Variants in TMEM68 observed in about 807,000 individuals in gnomAD.
The protein encoded by TMEM68 is transmembrane protein 68, also known as DGAT1/2-independent enzyme synthesizing storage lipids.
Under a neutral mutation model 36.9 loss-of-function variants are expected in TMEM68, and 25 were observed. The observed-to-expected ratio is 0.68, with a 90% CI of 0.49 to 0.95. The LOEUF (loss-of-function observed/expected upper bound fraction) is 0.95. TMEM68 is among the 40% of genes least tolerant of loss of function. TMEM68 has a pLI of 0.00. For synonymous variants in TMEM68, 131 were observed against 124.4 expected, an observed-to-expected ratio of 1.05 and a Z score of -0.35; for missense variants, 333 against 392.0, an observed-to-expected ratio of 0.85 and a Z score of 1.27.
At chr8:55,766,373 C>CTTTTTTT (rs768070569) in intron 1 of TMEM68, among the ~76,000 whole-genome samples, 2 of 113,066 alleles carry the variant, frequency 1.8e-5, no homozygotes, top group Non-Finnish European at 3.6e-5. Flanking sequence ...TCTATGCACG[C>CTTTTTTT]TTTTTTTTTT....
intron 4 of TMEM68, among the ~76,000 whole-genome samples, chr8:55,755,392 G>A (rs1810572743): frequency 6.6e-6 from 1 of 151,034 alleles, no homozygotes; most frequent in Non-Finnish European, 1.5e-5. Flanking sequence ...TCAGCTTCCC[G>A]AGTAGCTGAG....
chr8:55,764,906 C>G (rs1269754120), intron 1 of TMEM68, among the ~76,000 whole-genome samples: 3 of 152,102 alleles, frequency 2.0e-5, no homozygotes, highest in African/African-American at 7.2e-5. Context: ...AACTCCATCT[C>G]TACTAAAAAT....
Position 55,768,144 on chromosome 8 carries a change from A to T in TMEM68, c.-114-4164T>A, listed in dbSNP as rs566454851. On this transcript the variant is annotated intron_variant, in intron 1 of 7. Transcript: ENST00000434581. ...CTTCCTTCCTGTAGGAGACAGCTTTAAAAAAAAAAAAAAAATGATAATTGA... is the reference window on the plus strand; with the variant it reads ...CTTCCTTCCTGTAGGAGACAGCTTTTAAAAAAAAAAAAAAATGATAATTGA... 7.7e-3 allele frequency among the ~76,000 whole-genome samples: 813 copies of T among 105,174 alleles called. 5 individuals are homozygous for T. Among genetic ancestry groups the T allele is most frequent in the African/African-American group, 0.026 (746 of 28,672 alleles). 69.0% of individuals were successfully genotyped at this position (105,174 alleles called of 152,430 possible).
chr8:55,748,320 A>G (rs1810340364), intron 5 of TMEM68, among the ~76,000 whole-genome samples: 1 of 152,074 alleles, frequency 6.6e-6, no homozygotes. Flanking sequence ...GGCATGTGCC[A>G]CCACACCCGA....
At chr8:55,741,851 A>T (rs1810111697) in intron 7 of TMEM68, among the ~76,000 whole-genome samples, 1 of 152,192 alleles carries the variant, frequency 6.6e-6, no homozygotes, top group African/African-American at 2.4e-5. Context: ...TACCAAGTAA[A>T]AAAGCATAGA....
intron 4 of TMEM68, among the ~76,000 whole-genome samples, chr8:55,754,913 TTATA>T (rs1198489042): frequency 1.0e-5 from 1 of 95,392 alleles, no homozygotes; most frequent in Non-Finnish European, 1.9e-5. Flanking sequence ...ATATTATATA[TTATA>T]TATTTATATA....
intron 3 of TMEM68, among the ~76,000 whole-genome samples, chr8:55,757,194 CT>C (rs1810632382): frequency 6.6e-6 from 1 of 152,144 alleles, no homozygotes; most frequent in Non-Finnish European, 1.5e-5. Context: ...AAGTACAAAT[CT>C]TTTTTTCTTA....
At chr8:55,770,509 T>C (rs1239826599) in intron 1 of TMEM68, among the ~76,000 whole-genome samples, 2 of 152,134 alleles carry the variant, frequency 1.3e-5, no homozygotes, top group Non-Finnish European at 1.5e-5. Flanking sequence ...AGACCTTGTC[T>C]CTACCAAAAA....
rs369807173 is a variant in TMEM68 at position 55,762,730 on chromosome 8, T to C, written c.230A>G (p.Lys77Arg). Residue 77 changes from lysine to arginine, a missense_variant, in exon 3 of 8, where the codon AAG becomes AGG. Lys to Arg is a conservative substitution (Grantham distance 26). Transcript: ENST00000434581. ...TIIFLHIYKRKNVLKEAYSHN... is the reference protein window; with the variant it reads ...TIIFLHIYKRRNVLKEAYSHN... ...AGAGTAGGCTTCTTTCAATACATTC[T>C]TTCTCTTATAAATGTGTAAGAAAAT... 1.2e-5 allele frequency: 20 copies of C among 1,613,962 alleles called. No homozygotes were observed. The highest frequency in any genetic ancestry group is 1.6e-5 in the Non-Finnish European group (19 of 1,179,990).
At chr8:55,765,408 C>T (rs1315627440) in intron 1 of TMEM68, among the ~76,000 whole-genome samples, 1 of 152,162 alleles carries the variant, frequency 6.6e-6, no homozygotes, top group East Asian at 1.9e-4. Flanking sequence ...CTGACAACAC[C>T]ATGTACGGTA....
At chr8:55,751,995 G>C (rs756381576) in intron 4 of TMEM68, among the ~76,000 whole-genome samples, 1 of 152,086 alleles carries the variant, frequency 6.6e-6, no homozygotes, top group Non-Finnish European at 1.5e-5. Context: ...GATCACTTGC[G>C]GTCAGGAGTT....
intron 5 of TMEM68, chr8:55,746,725 G>GCTT (rs1810289775): frequency 6.6e-6 from 1 of 152,096 alleles, no homozygotes; most frequent in African/African-American, 2.4e-5. Context: ...AAATACAGTG[G>GCTT]ACTAAAGGAA....
intron 1 of TMEM68, among the ~76,000 whole-genome samples, chr8:55,769,027 A>G (rs560331242): frequency 6.8e-6 from 1 of 146,570 alleles, no homozygotes; most frequent in East Asian, 2.0e-4. Flanking sequence ...TTAAAAAAAA[A>G]AAAAAAAAAA....
chr8:55,772,033 T>C (rs1811189126), intron 1 of TMEM68, among the ~76,000 whole-genome samples: 1 of 152,172 alleles, frequency 6.6e-6, no homozygotes, highest in African/African-American at 2.4e-5. Context: ...TAATTACTGT[T>C]CTACCCTTAT....
chr8:55,767,287 T>G (rs1219231504), intron 1 of TMEM68, among the ~76,000 whole-genome samples: 1 of 152,228 alleles, frequency 6.6e-6, no homozygotes, highest in Non-Finnish European at 1.5e-5. Flanking sequence ...CATTAACTAT[T>G]GCTTATAAGC....
chr8:55,769,021 A>ATT (rs1563441404), intron 1 of TMEM68, among the ~76,000 whole-genome samples: 2 of 141,850 alleles, frequency 1.4e-5, no homozygotes, highest in African/African-American at 5.2e-5. Context: ...CTGTCTTTAA[A>ATT]AAAAAAAAAA....
intron 6 of TMEM68, 65 bp downstream of exon 6, chr8:55,744,996 G>GGTTC: frequency 9.5e-7 from 1 of 1,051,686 alleles, no homozygotes; most frequent in Non-Finnish European, 1.3e-6. Flanking sequence ...TTCCTTGTAG[G>GGTTC]GTTCAACAGC....
intron 1 of TMEM68, among the ~76,000 whole-genome samples, chr8:55,769,024 A>T (rs1425676066): frequency 1.6e-4 from 24 of 145,996 alleles, no homozygotes; most frequent in East Asian, 1.6e-3. Context: ...TCTTTAAAAA[A>T]AAAAAAAAAA....
intron 6 of TMEM68, among the ~76,000 whole-genome samples, 172 bp from the exon 7 acceptor site, chr8:55,743,792 T>C (rs1488627215): frequency 2.0e-5 from 3 of 152,252 alleles, no homozygotes; most frequent in African/African-American, 7.2e-5. Flanking sequence ...TTAACAAATA[T>C]ATCACACCAA....
Sources: allele counts gnomAD v4.1 joint callset (sites outside exome capture counted in the v4.1 genomes callset), GRCh38; gene constraint gnomAD v4.1.1; transcripts MANE v1.5; gene names NCBI Gene and HGNC (gene_info 2026-07-23, HGNC 2026-07-21).